Variants in PDE4D observed in about 807,000 individuals in gnomAD.
PDE4D encodes the protein 3',5'-cyclic-AMP phosphodiesterase 4D.
A neutral mutation model predicts 87.4 loss-of-function variants in PDE4D; 24 were observed. The observed-to-expected ratio is 0.27, with a 90% confidence interval of 0.20 to 0.39. PDE4D has a LOEUF of 0.39. PDE4D is among the 10% of genes least tolerant of loss of function. The pLI is 1.00. For missense variants in PDE4D, 714 were observed against 1,041.0 expected (o/e 0.69, Z 4.32); for synonymous variants, 384 against 383.2 (o/e 1.00, Z -0.02).
intron 1 of PDE4D, chr5:59,529,071 C>T: frequency 2.1e-6 from 1 of 468,586 alleles, no homozygotes; most frequent in Middle Eastern, 6.0e-4. Context: ...ATTCGTTGGA[C>T]CTATGCAAGA....
At chr5:59,528,935 T>C (rs1405413573) in intron 1 of PDE4D, 1 of 419,158 alleles carries the variant, frequency 2.4e-6, no homozygotes, top group Admixed American at 2.7e-5. Flanking sequence ...AAATATGACA[T>C]ATCTCTGGAA....
chr5:59,511,360 G>T (rs1025337905), intron 1 of PDE4D, among the ~76,000 whole-genome samples: 2 of 151,868 alleles, frequency 1.3e-5, no homozygotes, highest in African/African-American at 4.8e-5. Context: ...AAGATAAAAA[G>T]TATACAATTA....
At chr5:59,022,141 G>C (rs184256577) in intron 6 of PDE4D, among the ~76,000 whole-genome samples, 49 of 152,262 alleles carry the variant, frequency 3.2e-4, no homozygotes, top group African/African-American at 1.2e-3. Flanking sequence ...ACAGCTGACT[G>C]TCTGTTCTTC....
chr5:59,239,281 C>T (rs967521912), intron 1 of PDE4D, among the ~76,000 whole-genome samples: 6 of 152,286 alleles, frequency 3.9e-5, no homozygotes, highest in Admixed American at 3.9e-4. Context: ...CAACACTGAT[C>T]ACGTTGCTGA....
chr5:59,617,534 C>T (rs1214029597), intron 1 of PDE4D, among the ~76,000 whole-genome samples: 1 of 152,116 alleles, frequency 6.6e-6, no homozygotes, highest in Non-Finnish European at 1.5e-5. Context: ...AAGATGAGGA[C>T]ATATTGCAAG....
chr5:59,493,933 C>A (rs62357505), intron 1 of PDE4D, among the ~76,000 whole-genome samples: 2 of 152,068 alleles, frequency 1.3e-5, no homozygotes, highest in Non-Finnish European at 2.9e-5. Flanking sequence ...GACCACATTA[C>A]GAAATAGTTT....
chr5:59,290,445 A>G (rs989317155), intron 1 of PDE4D, among the ~76,000 whole-genome samples: 1 of 152,126 alleles, frequency 6.6e-6, no homozygotes, highest in Non-Finnish European at 1.5e-5. Flanking sequence ...GAAAGACTTA[A>G]GTCTAAGACT....
At chr5:60,234,910 A>G (rs1488776746) in intron 1 of PDE4D, among the ~76,000 whole-genome samples, 2 of 151,836 alleles carry the variant, frequency 1.3e-5, no homozygotes, top group African/African-American at 4.8e-5. Context: ...TACTAGCCAG[A>G]AGAAGTAAAC....
At chr5:59,191,764 T>C (rs1744373130) in intron 3 of PDE4D, among the ~76,000 whole-genome samples, 1 of 151,928 alleles carries the variant, frequency 6.6e-6, no homozygotes, top group Admixed American at 6.6e-5. Context: ...AGAGACAGGG[T>C]TTCATCAAGT....
intron 1 of PDE4D, among the ~76,000 whole-genome samples, chr5:59,855,892 G>T (rs1292096671): frequency 6.6e-6 from 1 of 152,058 alleles, no homozygotes; most frequent in Non-Finnish European, 1.5e-5. Flanking sequence ...CTACGATATT[G>T]CCCTTGGATT....
intron 2 of PDE4D, among the ~76,000 whole-genome samples, chr5:60,001,752 A>G (rs1764035160): frequency 6.6e-6 from 1 of 152,144 alleles, no homozygotes; most frequent in African/African-American, 2.4e-5. Flanking sequence ...GTAGCACAAA[A>G]TGACGGGGGA....
At chr5:59,527,923 C>G (rs1354543869) in intron 1 of PDE4D, among the ~76,000 whole-genome samples, 2 of 152,144 alleles carry the variant, frequency 1.3e-5, no homozygotes, top group African/African-American at 4.8e-5. Context: ...GTTTTTTATT[C>G]CTTAAAAGTC....
At chr5:59,743,507 T>A (rs754616544) in intron 1 of PDE4D, among the ~76,000 whole-genome samples, 4 of 151,724 alleles carry the variant, frequency 2.6e-5, no homozygotes, top group Non-Finnish European at 5.9e-5. Flanking sequence ...CCCATTAGGA[T>A]AGCTACTGTA....
chr5:59,033,778 G>A (rs934995947), intron 6 of PDE4D, among the ~76,000 whole-genome samples: 1 of 151,930 alleles, frequency 6.6e-6, no homozygotes, highest in African/African-American at 2.4e-5. Context: ...AGTTCATAAT[G>A]CTCTCAGACA....
intron 1 of PDE4D, among the ~76,000 whole-genome samples, chr5:59,797,722 G>A (rs368738153): frequency 5.3e-5 from 8 of 152,160 alleles, no homozygotes; most frequent in Admixed American, 3.9e-4. Context: ...CTCCACAACC[G>A]TGAGAAAATA....
chr5:59,499,076 G>T (rs561117260), intron 1 of PDE4D, among the ~76,000 whole-genome samples: 19 of 151,904 alleles, frequency 1.3e-4, no homozygotes, highest in African/African-American at 4.6e-4. Flanking sequence ...CATCTTCTCA[G>T]ACCACAGTGG....
rs571414206 is a variant in PDE4D, at chr5:59,680,304, G to T, written c.455+212864C>A. 2.6e-5 allele frequency among the ~76,000 whole-genome samples: 4 copies of T among 152,188 alleles called. No individual in the cohort carries two copies. The South Asian group carries it at 8.3e-4, about 31-fold the overall frequency. On this transcript the variant is annotated intron_variant, in intron 1 of 14. Coordinates refer to ENST00000340635, the MANE Select transcript of PDE4D (RefSeq NM_001104631.2). ...TTGTTTCCAGATTATCCTGAAGTTTGGTCCAAGACAAACTTGTTCAGATTT... is the reference window on the plus strand; with the variant it reads ...TTGTTTCCAGATTATCCTGAAGTTTTGTCCAAGACAAACTTGTTCAGATTT...
chr5:59,626,713 C>G (rs1230012944), intron 1 of PDE4D, among the ~76,000 whole-genome samples: 1 of 152,066 alleles, frequency 6.6e-6, no homozygotes, highest in Non-Finnish European at 1.5e-5. Context: ...AATCATGTAA[C>G]AAGTTATTTG....
intron 2 of PDE4D, chr5:60,127,767 G>C: frequency 1.9e-6 from 1 of 524,830 alleles, no homozygotes; most frequent in Non-Finnish European, 3.4e-6. Flanking sequence ...TTGAAAAAGC[G>C]GTAGGATATA....
Sources: gnomAD v4.1 joint callset for allele counts (sites outside exome capture counted in the v4.1 genomes callset) on GRCh38, gnomAD v4.1.1 for gene constraint, MANE v1.5 for transcripts, NCBI Gene and HGNC (gene_info 2026-07-23, HGNC 2026-07-21) for gene names.